The following AFF3 variants were observed in gnomAD, a reference collection of about 807,000 sequenced individuals.
The protein encoded by AFF3 is AF4/FMR2 family member 3.
A neutral mutation model predicts 129.7 loss-of-function variants in AFF3; 32 were observed. The ratio of observed to expected loss-of-function variants is 0.25; its 90% confidence interval spans 0.19 to 0.33. The LOEUF (loss-of-function observed/expected upper bound fraction) is 0.33, where lower values mean the gene tolerates loss of function less well. AFF3 is among the 10% of genes least tolerant of loss of function. AFF3 has a pLI of 1.00. For synonymous variants in AFF3, 644 were observed against 635.4 expected (o/e 1.01, Z -0.20); for missense variants, 1,373 against 1,592.0 (o/e 0.86, Z 2.34).
chr2:99,979,541 TA>T (rs1295737550), intron 7 of AFF3, among the ~76,000 whole-genome samples: 1 of 152,046 alleles, frequency 6.6e-6, no homozygotes, highest in Non-Finnish European at 1.5e-5. Flanking sequence ...TGCAGTGGTA[TA>T]ATCACAGTTC....
Position 99,582,825 on chromosome 2 carries a change from C to T in AFF3, c.2766G>A (p.Gln922=), listed in dbSNP as rs147254758. The T allele has an allele frequency of 2.3e-4, 374 of 1,614,224 alleles. No homozygotes were observed. The African/African-American group carries it at 4.2e-3, about 18-fold the overall frequency. Residue 922 remains glutamine (Q), a synonymous_variant, in exon 17 of 25, where the codon CAG becomes CAA. Coordinates refer to ENST00000672756, the MANE Select transcript of AFF3 (RefSeq NM_001386135.1). ...SSSKKPKADS[Q]LQPHGGDLTK... ...TGAGGTCTCCGCCGTGAGGCTGCAG[C>T]TGGCTGTCGGCCTTAGGCTTTTTGC...
intron 8 of AFF3, among the ~76,000 whole-genome samples, chr2:99,809,082 C>T (rs965978621): frequency 1.3e-5 from 2 of 152,174 alleles, no homozygotes; most frequent in East Asian, 1.9e-4. Flanking sequence ...TGCACTCTTA[C>T]GTCTTTTCAA....
intron 8 of AFF3, among the ~76,000 whole-genome samples, chr2:99,835,052 C>T (rs557059430): frequency 1.6e-4 from 25 of 152,180 alleles, no homozygotes; most frequent in African/African-American, 6.0e-4. Flanking sequence ...TTATGATTTC[C>T]GCCCTTCCCG....
chr2:99,683,392 C>T (rs1027584356), intron 11 of AFF3, among the ~76,000 whole-genome samples: 1 of 152,104 alleles, frequency 6.6e-6, no homozygotes, highest in Admixed American at 6.6e-5. Context: ...ATTTTATTAC[C>T]CATTCCATCT....
chr2:99,735,434 T>G (rs986303372), intron 10 of AFF3, among the ~76,000 whole-genome samples: 7 of 152,280 alleles, frequency 4.6e-5, no homozygotes, highest in African/African-American at 1.7e-4. Flanking sequence ...TTATTTTCTC[T>G]TCTTTCAGCT....
At chr2:99,679,442 G>A (rs1231490499) in intron 11 of AFF3, among the ~76,000 whole-genome samples, 1 of 152,090 alleles carries the variant, frequency 6.6e-6, no homozygotes, top group Non-Finnish European at 1.5e-5. Flanking sequence ...CATCTTCCCT[G>A]GGGGACGGCA....
At chr2:99,819,780 C>T (rs188256131) in intron 8 of AFF3, among the ~76,000 whole-genome samples, 2 of 152,298 alleles carry the variant, frequency 1.3e-5, no homozygotes, top group Admixed American at 6.5e-5. Context: ...AAGGCTCAAG[C>T]TCTGGTGAAA....
chr2:99,610,693 G>C (rs1354273207), intron 13 of AFF3, among the ~76,000 whole-genome samples: 1 of 152,140 alleles, frequency 6.6e-6, no homozygotes, highest in Non-Finnish European at 1.5e-5. Flanking sequence ...ATTTCTCTGG[G>C]ACACTGCTTC....
At chr2:99,751,701 G>A (rs1681667683) in intron 9 of AFF3, among the ~76,000 whole-genome samples, 1 of 152,116 alleles carries the variant, frequency 6.6e-6, no homozygotes, top group African/African-American at 2.4e-5. Context: ...TTAGACTCAT[G>A]TATATAGTCA....
Position 99,837,557 on chromosome 2 carries a change from G to A in AFF3, c.874-33C>T, listed in dbSNP as rs1176673263. 3.1e-6 allele frequency: 5 copies of A among 1,596,812 alleles called. No homozygotes were observed. In the Admixed American group the frequency reaches 6.7e-5, roughly 21 times the overall value. ...CAAAGAAAAAAAAATTAAGCCTGATGGAATAGATTGATGACCACACAGAAG... is the reference window on the plus strand; with the variant it reads ...CAAAGAAAAAAAAATTAAGCCTGATAGAATAGATTGATGACCACACAGAAG... On this transcript the variant is annotated intron_variant, in intron 7 of 24. Transcript: ENST00000672756.
At chr2:99,925,883 T>C (rs377681291) in intron 7 of AFF3, among the ~76,000 whole-genome samples, 74 of 152,166 alleles carry the variant, frequency 4.9e-4, no homozygotes, top group African/African-American at 1.7e-3. Flanking sequence ...TCCCAGGGAG[T>C]TGCTGTACTA....
intron 4 of AFF3, among the ~76,000 whole-genome samples, chr2:100,020,330 C>T (rs1683484697): frequency 6.6e-6 from 1 of 152,040 alleles, no homozygotes; most frequent in Admixed American, 6.6e-5. Flanking sequence ...ACACTCCAGG[C>T]TCTGTGCAAA....
At chr2:99,945,305 A>G (rs1378747284) in intron 7 of AFF3, among the ~76,000 whole-genome samples, 1 of 152,172 alleles carries the variant, frequency 6.6e-6, no homozygotes, top group African/African-American at 2.4e-5. Flanking sequence ...GCCTAACGGG[A>G]CTCTGAAGTA....
intron 20 of AFF3, among the ~76,000 whole-genome samples, chr2:99,560,647 GCTA>G (rs762675570): frequency 3.7e-4 from 56 of 152,334 alleles, no homozygotes; most frequent in Middle Eastern, 3.4e-3. Context: ...GACTAGAACA[GCTA>G]CTTTCTGCTC....
intron 8 of AFF3, among the ~76,000 whole-genome samples, chr2:99,825,844 GTGTTCTAATGCT>G (rs570166022): frequency 6.6e-6 from 1 of 152,272 alleles, no homozygotes; most frequent in East Asian, 1.9e-4. Context: ...ATTGTACAAT[GTGTTCTAATGCT>G]TCCAGGTAGC....
At position 99,677,263 on chromosome 2, in the gene AFF3, CAA is replaced by C. The variant is rs386390727; in HGVS notation, c.1092-4676_1092-4675del. ...CCAGCCTGGGCATAAGACCCTGTCTCAAAAAAAAAAAAAAAAAAAAATTGAAC... is the reference window on the plus strand; with the variant it reads ...CCAGCCTGGGCATAAGACCCTGTCTCAAAAAAAAAAAAAAAAAAATTGAAC... On this transcript the variant is annotated intron_variant, in intron 11 of 24. Transcript: ENST00000672756. 2.8e-3 allele frequency among the ~76,000 whole-genome samples: 298 copies of C among 105,150 alleles called. 1 individual carries two copies. The highest frequency in any genetic ancestry group is 9.9e-3 in the African/African-American group (264 of 26,728). 69.0% of individuals were successfully genotyped at this position (105,150 alleles called of 152,430 possible). A position where few individuals can be genotyped will look rare whatever the true frequency, so the allele number is the denominator to read the frequency against.
chr2:99,787,725 G>T (rs1313265520), intron 8 of AFF3, among the ~76,000 whole-genome samples: 1 of 152,094 alleles, frequency 6.6e-6, no homozygotes, highest in African/African-American at 2.4e-5. Context: ...GCAGGGAGAA[G>T]AAAACAAACA....
chr2:100,055,057 C>A (rs1282607258), intron 4 of AFF3, among the ~76,000 whole-genome samples: 1 of 152,144 alleles, frequency 6.6e-6, no homozygotes. Flanking sequence ...GGTTTTATCT[C>A]GTTTTGGGTT....
chr2:99,936,231 C>T (rs375843891), intron 7 of AFF3, among the ~76,000 whole-genome samples: 13 of 152,228 alleles, frequency 8.5e-5, no homozygotes, highest in African/African-American at 3.1e-4. Flanking sequence ...ACTAGCCACA[C>T]AGTCTCAGCT....
Sources: allele counts gnomAD v4.1 joint callset (sites outside exome capture counted in the v4.1 genomes callset), GRCh38; gene constraint gnomAD v4.1.1; transcripts MANE v1.5; gene names NCBI Gene and HGNC (gene_info 2026-07-23, HGNC 2026-07-21).